TRIM9: variants seen among roughly 807,000 people sequenced by gnomAD.
TRIM9 encodes the protein E3 ubiquitin-protein ligase TRIM9.
In TRIM9, 26 loss-of-function variants were observed where a neutral mutation model predicts 78.3. That is an observed-to-expected ratio of 0.33 (90% CI 0.24 to 0.46). The LOEUF (loss-of-function observed/expected upper bound fraction) is 0.46, where lower values mean the gene tolerates loss of function less well. Among genes scored for constraint, TRIM9 ranks in the 20% least tolerant of loss-of-function variants. The pLI is 1.00. For synonymous variants in TRIM9, 398 were observed against 416.5 expected (o/e 0.96, Z 0.54); for missense variants, 787 against 1,036.4 (o/e 0.76, Z 3.30).
chr14:51,093,795 T>C (rs1045836279), intron 1 of TRIM9, among the ~76,000 whole-genome samples: 2 of 152,178 alleles, frequency 1.3e-5, no homozygotes, highest in Non-Finnish European at 2.9e-5. Flanking sequence ...ATGCAGTGCT[T>C]TCCCACACAC....
At chr14:51,054,973 G>C (rs980423576) in intron 1 of TRIM9, among the ~76,000 whole-genome samples, 12 of 151,984 alleles carry the variant, frequency 7.9e-5, no homozygotes, top group African/African-American at 2.9e-4. Flanking sequence ...GGGACAACAA[G>C]CGCGCGCCAC....
intron 5 of TRIM9, 37 bp downstream of exon 5, chr14:51,009,043 G>A (rs1304701958): frequency 2.5e-6 from 4 of 1,607,982 alleles, no homozygotes. Flanking sequence ...ATCCACTCAG[G>A]ATGTTGCTCT....
Position 51,082,271 on chromosome 14 carries a change from T to C in TRIM9, c.822+11847A>G, listed in dbSNP as rs7161304. Among the ~76,000 whole-genome samples the C allele has an allele frequency of 3.3e-5, 5 of 152,250 alleles. No individual in the cohort carries two copies. The South Asian group carries it at 1.0e-3, about 32-fold the overall frequency. On this transcript the variant is annotated intron_variant, in intron 1 of 12. Coordinates refer to ENST00000684578, the MANE Select transcript of TRIM9 (RefSeq NM_001387360.1). ...ACTATATCATGATACTCAAGGTAAT[T>C]GAAAACATGTCCACATAAAAACTTG...
At chr14:51,008,962 A>G in intron 5 of TRIM9, 118 bp downstream of exon 5, 1 of 997,234 alleles carries the variant, frequency 1.0e-6, no homozygotes, top group Non-Finnish European at 1.5e-6. Flanking sequence ...TTTTCATTAC[A>G]TAAGTTAGAA....
chr14:50,980,718 G>GC (rs1462907029), intron 11 of TRIM9, among the ~76,000 whole-genome samples: 1 of 152,218 alleles, frequency 6.6e-6, no homozygotes, highest in East Asian at 1.9e-4. Context: ...TCCACAAAAT[G>GC]CCGATCACTG....
chr14:51,092,973 G>A (rs2064517591), intron 1 of TRIM9, among the ~76,000 whole-genome samples: 1 of 152,124 alleles, frequency 6.6e-6, no homozygotes. Context: ...CAGGTAACTG[G>A]GGAAGAGAGC....
At chr14:51,043,117 A>C (rs1371156003) in intron 1 of TRIM9, among the ~76,000 whole-genome samples, 1 of 152,142 alleles carries the variant, frequency 6.6e-6, no homozygotes, top group Non-Finnish European at 1.5e-5. Context: ...TTTTGTGACA[A>C]TTGTCTTCCC....
intron 1 of TRIM9, among the ~76,000 whole-genome samples, chr14:51,051,783 A>G (rs1476039686): frequency 1.3e-5 from 2 of 152,098 alleles, no homozygotes. Context: ...CCTGGCCAAC[A>G]TAGTGAAACC....
At chr14:51,036,394 T>A (rs1030175405) in intron 1 of TRIM9, among the ~76,000 whole-genome samples, 5 of 152,210 alleles carry the variant, frequency 3.3e-5, no homozygotes, top group African/African-American at 4.8e-5. Context: ...CATTTTGTTT[T>A]GTTTTAGGCT....
At chr14:51,068,928 T>G (rs931078926) in intron 1 of TRIM9, among the ~76,000 whole-genome samples, 1 of 152,194 alleles carries the variant, frequency 6.6e-6, no homozygotes, top group African/African-American at 2.4e-5. Flanking sequence ...TGGAATGAGG[T>G]TGACAACATG....
intron 7 of TRIM9, chr14:50,997,419 C>A (rs921172694): frequency 3.0e-6 from 3 of 985,290 alleles, no homozygotes; most frequent in Non-Finnish European, 3.6e-6. Context: ...GCGGGTAATG[C>A]GAAGTTGCTG....
intron 7 of TRIM9, among the ~76,000 whole-genome samples, chr14:50,987,034 C>T (rs112370685): frequency 9.9e-4 from 151 of 152,312 alleles, no homozygotes; most frequent in African/African-American, 3.4e-3. Context: ...GTTCTATGCA[C>T]GGTGTGGTCT....
intron 7 of TRIM9, among the ~76,000 whole-genome samples, chr14:50,992,593 GAAT>G: frequency 6.6e-6 from 1 of 152,028 alleles, no homozygotes; most frequent in Non-Finnish European, 1.5e-5. Context: ...ATGAATGAAT[GAAT>G]GAATGAATAA....
rs1347929854 is a variant in TRIM9 at position 51,094,636 on chromosome 14, A to G, written c.304T>C (p.Phe102Leu). The G allele has an allele frequency of 3.1e-6, 5 of 1,606,836 alleles. No individual in the cohort carries two copies. The highest frequency in any genetic ancestry group is 4.3e-6 in the Non-Finnish European group (5 of 1,175,724). Residue 102 changes from phenylalanine (F) to leucine (L), a missense_variant, in exon 1 of 13, where the codon TTT becomes CTT. By Grantham distance (22) the Phe-to-Leu change is conservative. Transcript: ENST00000684578. ...CQKSPNGVRV[F>L]PPAMPPPATH... Reference sequence around the variant, plus strand: ...GCCGGTGGCGGCATAGCCGGGGGAAACACGCGGACGCCGTTGGGGGACTTC... The same window carrying G: ...GCCGGTGGCGGCATAGCCGGGGGAAGCACGCGGACGCCGTTGGGGGACTTC...
chr14:51,090,630 A>G (rs551364253), intron 1 of TRIM9: 1 of 152,182 alleles, frequency 6.6e-6, no homozygotes, highest in African/African-American at 2.4e-5. Flanking sequence ...ACAGTCTTGC[A>G]TCGTCACCCA....
At chr14:51,038,183 C>T (rs1415159556) in intron 1 of TRIM9, among the ~76,000 whole-genome samples, 1 of 152,098 alleles carries the variant, frequency 6.6e-6, no homozygotes, top group African/African-American at 2.4e-5. Context: ...AGGAACTTTC[C>T]TGACTGTGGT....
intron 6 of TRIM9, among the ~76,000 whole-genome samples, chr14:50,999,635 G>A (rs2054684198): frequency 6.6e-6 from 1 of 152,138 alleles, no homozygotes; most frequent in South Asian, 2.1e-4. Context: ...AAAGCTAGTG[G>A]CTCAGGTTTG....
At chr14:51,074,345 A>G (rs1206513335) in intron 1 of TRIM9, among the ~76,000 whole-genome samples, 2 of 152,174 alleles carry the variant, frequency 1.3e-5, no homozygotes, top group Admixed American at 6.5e-5. Context: ...AAAATCTAAC[A>G]ATCACTTGAA....
chr14:51,009,006 G>T, intron 5 of TRIM9, 74 bp downstream of exon 5: 2 of 1,465,834 alleles, frequency 1.4e-6, no homozygotes, highest in Non-Finnish European at 1.9e-6. Context: ...TAGCCAAAGG[G>T]GTACTGATCC....
Sources: gnomAD v4.1 joint callset for allele counts (sites outside exome capture counted in the v4.1 genomes callset) on GRCh38, gnomAD v4.1.1 for gene constraint, MANE v1.5 for transcripts, NCBI Gene and HGNC (gene_info 2026-07-23, HGNC 2026-07-21) for gene names.